ELK3: variants seen among roughly 807,000 people sequenced by gnomAD.
ELK3 encodes the protein ETS domain-containing protein Elk-3.
Under a neutral mutation model 28.9 loss-of-function variants are expected in ELK3, and 10 were observed. The observed-to-expected ratio is 0.35, with a 90% confidence interval of 0.21 to 0.59. The LOEUF is 0.59. Among genes scored for constraint, ELK3 ranks in the 20% least tolerant of loss-of-function variants. The pLI, the probability that ELK3 is intolerant of heterozygous loss-of-function variation, is 0.82. For missense variants in ELK3, 463 were observed against 517.3 expected (o/e 0.90, Z 1.02); for synonymous variants, 272 against 243.5 (o/e 1.12, Z -1.09).
intron 1 of ELK3, among the ~76,000 whole-genome samples, chr12:96,220,671 C>T (rs528768917): frequency 1.6e-4 from 24 of 152,220 alleles, no homozygotes; most frequent in Non-Finnish European, 2.5e-4. Flanking sequence ...GGATTACAGG[C>T]GTGAGCCACC....
intron 1 of ELK3, among the ~76,000 whole-genome samples, chr12:96,223,251 G>A (rs1170861662): frequency 2.0e-5 from 3 of 152,160 alleles, no homozygotes. Context: ...GACTCATTCT[G>A]CAAGTGGTCA....
At chr12:96,234,852 A>G (rs1486531019) in intron 2 of ELK3, among the ~76,000 whole-genome samples, 1 of 152,138 alleles carries the variant, frequency 6.6e-6, no homozygotes, top group East Asian at 1.9e-4. Context: ...GGGCTTCCAA[A>G]GCTGGAGGGC....
intron 1 of ELK3, among the ~76,000 whole-genome samples, chr12:96,212,994 C>T (rs1265916386): frequency 6.6e-6 from 1 of 152,142 alleles, no homozygotes; most frequent in African/African-American, 2.4e-5. Flanking sequence ...TCATTACACA[C>T]CTTTTAATTG....
At chr12:96,244,786 G>A (rs1428115421) in intron 2 of ELK3, among the ~76,000 whole-genome samples, 1 of 152,154 alleles carries the variant, frequency 6.6e-6, no homozygotes, top group Non-Finnish European at 1.5e-5. Context: ...TGGGTCCAAT[G>A]ACACCCTTAT....
intron 4 of ELK3, among the ~76,000 whole-genome samples, chr12:96,266,665 T>TA (rs1565795228): frequency 6.6e-6 from 1 of 152,206 alleles, no homozygotes; most frequent in Non-Finnish European, 1.5e-5. Context: ...AATATAGTAT[T>TA]AGAAATTACT....
Position 96,211,304 on chromosome 12 carries a change from G to A in ELK3, c.-2-12261G>A, listed in dbSNP as rs116540500. Among the ~76,000 whole-genome samples the A allele has an allele frequency of 3.2e-3, 489 of 152,196 alleles. 4 individuals are homozygous for A. The highest frequency in any genetic ancestry group is 0.011 in the African/African-American group (455 of 41,498). On this transcript the variant is annotated intron_variant, in intron 1 of 4. Transcript: ENST00000228741. ...GGTGGAGGATATATTAATAGCTAACGTTTTCTTAGAACAGTGCTCTTAATT... is the reference window on the plus strand; with the variant it reads ...GGTGGAGGATATATTAATAGCTAACATTTTCTTAGAACAGTGCTCTTAATT...
chr12:96,204,228 AC>A (rs1350710552), intron 1 of ELK3, among the ~76,000 whole-genome samples: 2 of 152,142 alleles, frequency 1.3e-5, no homozygotes, highest in Non-Finnish European at 2.9e-5. Context: ...TTTATTAAAG[AC>A]TTCAGTTGAT....
chr12:96,267,122 C>T lies in ELK3; in HGVS notation c.1166C>T (p.Pro389Leu), dbSNP rs754403067. 2.5e-6 allele frequency: 4 copies of T among 1,613,552 alleles called. No homozygotes were observed. The East Asian group carries it at 6.7e-5, about 27-fold the overall frequency. The change falls in exon 5 of 5, where the codon CCC (proline) becomes CTC (leucine). Residue 389 changes from proline to leucine, a missense_variant. Pro to Leu is a moderately conservative substitution (Grantham distance 98). Transcript: ENST00000228741. ...AATGGCCACATGCCAGTGCCAATCCCCAGTCTGGACAGAGCTGCTTCTCCA... is the reference window on the plus strand; with the variant it reads ...AATGGCCACATGCCAGTGCCAATCCTCAGTCTGGACAGAGCTGCTTCTCCA... ...LLNGHMPVPI[P>L]SLDRAASPVL...
chr12:96,252,351 G>A (rs1415201181), intron 3 of ELK3, among the ~76,000 whole-genome samples: 1 of 152,132 alleles, frequency 6.6e-6, no homozygotes, highest in Non-Finnish European at 1.5e-5. Context: ...AGAAGTCAAG[G>A]AGTAATTTTG....
At chr12:96,245,363 G>A (rs1019413392) in intron 2 of ELK3, among the ~76,000 whole-genome samples, 2 of 152,088 alleles carry the variant, frequency 1.3e-5, no homozygotes, top group African/African-American at 4.8e-5. Context: ...AAAAGCTTAC[G>A]CTTTAGAATC....
intron 3 of ELK3, among the ~76,000 whole-genome samples, chr12:96,248,604 C>T (rs978856253): frequency 1.3e-5 from 2 of 152,150 alleles, no homozygotes; most frequent in African/African-American, 4.8e-5. Context: ...GGGCCAGGTT[C>T]CATGTGTGGA....
chr12:96,247,146 C>T lies in ELK3; in HGVS notation c.414C>T (p.Ile138=). 2 of 1,614,050 alleles carry T rather than the reference C, an allele frequency of 1.2e-6. No homozygotes were observed. The highest frequency in any genetic ancestry group is 2.2e-5 in the South Asian group (2 of 91,068). ...GAAGCACGAGCCGCAACGAATACAT[C>T]CACTCAGGCCTGTACTCGTCCTTCA... The part of the protein sequence containing the change: ...ALRSTSRNEY[I]HSGLYSSFTI... Residue 138 remains isoleucine, a synonymous_variant, in exon 3 of 5, where the codon ATC becomes ATT. Transcript: ENST00000228741. This position sits in a 1 kb window ranked among gnomAD's most constrained non-coding sequence, Gnocchi z 5.5.
intron 2 of ELK3, among the ~76,000 whole-genome samples, chr12:96,228,416 C>CAAAAAAAAAAAAAAAAAAAA (rs71091236): frequency 2.9e-5 from 2 of 68,328 alleles, no homozygotes; most frequent in Admixed American, 1.9e-4. Flanking sequence ...GACTCTGTGT[C>CAAAAAAAAAAAAAAAAAAAA]AAAAAAAAAA....
intron 2 of ELK3, among the ~76,000 whole-genome samples, chr12:96,226,872 AAG>A (rs558343375): frequency 2.8e-4 from 42 of 152,322 alleles, no homozygotes; most frequent in African/African-American, 7.0e-4. Flanking sequence ...AGAGGAAAAA[AAG>A]AGGGGATGGA....
At chr12:96,248,586 T>A (rs1951877123) in intron 3 of ELK3, among the ~76,000 whole-genome samples, 1 of 152,200 alleles carries the variant, frequency 6.6e-6, no homozygotes, top group South Asian at 2.1e-4. Context: ...TGTGGGCGGT[T>A]GCTCTCTGGG....
chr12:96,214,248 T>C (rs1259121342), intron 1 of ELK3, among the ~76,000 whole-genome samples: 1 of 151,992 alleles, frequency 6.6e-6, no homozygotes, highest in Non-Finnish European at 1.5e-5. Context: ...CTGGCGAACA[T>C]GCTGAAACCC....
At chr12:96,233,192 C>T (rs1308139441) in intron 2 of ELK3, among the ~76,000 whole-genome samples, 1 of 152,150 alleles carries the variant, frequency 6.6e-6, no homozygotes, top group Non-Finnish European at 1.5e-5. Flanking sequence ...GCTCTGGTAT[C>T]CCCATAATGT....
chr12:96,223,154 A>G (rs1951674581), intron 1 of ELK3, among the ~76,000 whole-genome samples: 1 of 152,192 alleles, frequency 6.6e-6, no homozygotes, highest in Non-Finnish European at 1.5e-5. Flanking sequence ...CGGGGCACAC[A>G]TCCAAACTAT....
chr12:96,202,291 G>T (rs1281177492), intron 1 of ELK3, among the ~76,000 whole-genome samples: 5 of 152,176 alleles, frequency 3.3e-5, no homozygotes, highest in Non-Finnish European at 5.9e-5. Flanking sequence ...CTTTTCCTCA[G>T]TTCCTCAAAT....
Sources: allele counts gnomAD v4.1 joint callset (sites outside exome capture counted in the v4.1 genomes callset), GRCh38; gene constraint gnomAD v4.1.1; non-coding constraint Gnocchi (gnomAD v3.1); transcripts MANE v1.5; gene names NCBI Gene and HGNC (gene_info 2026-07-23, HGNC 2026-07-21).